The following ATP10D variants were observed in gnomAD, a reference collection of about 807,000 sequenced individuals.
ATP10D encodes the protein phospholipid-transporting ATPase VD.
Under a neutral mutation model 144.8 loss-of-function variants are expected in ATP10D, and 89 were observed. The observed-to-expected ratio is 0.61, with a 90% CI of 0.52 to 0.73. The LOEUF (loss-of-function observed/expected upper bound fraction) is 0.73, where lower values mean the gene tolerates loss of function less well. ATP10D is among the 30% of genes least tolerant of loss of function. The probability of loss-of-function intolerance (pLI) is 0.00; values close to 1 mark genes in which losing one functional copy is unlikely to be tolerated. For synonymous variants in ATP10D, 571 were observed against 615.1 expected, an observed-to-expected ratio of 0.93 and a Z score of 1.06; for missense variants, 1,603 against 1,714.8, an observed-to-expected ratio of 0.93 and a Z score of 1.15.
chr4:47,487,160 C>T (rs1323716494), intron 1 of ATP10D, among the ~76,000 whole-genome samples: 1 of 137,644 alleles, frequency 7.3e-6, no homozygotes, highest in East Asian at 2.2e-4. Flanking sequence ...GCCCGGGAGG[C>T]GGAGGTTGCT....
intron 5 of ATP10D, among the ~76,000 whole-genome samples, chr4:47,528,471 GTGTGTGTGTGTGTGTGTGTGT>G (rs1717374734): frequency 3.0e-5 from 1 of 33,780 alleles, no homozygotes; most frequent in Admixed American, 3.4e-4. Context: ...GTGTGTGTGT[GTGTGTGTGTGTGTGTGTGTGT>G]GTGTGTGTGT....
chr4:47,538,175 G>T (rs908604354), intron 9 of ATP10D, among the ~76,000 whole-genome samples: 3 of 152,090 alleles, frequency 2.0e-5, no homozygotes, highest in Non-Finnish European at 4.4e-5. Flanking sequence ...TTAGTGATGA[G>T]ATTTTTACCT....
intron 14 of ATP10D, among the ~76,000 whole-genome samples, 199 bp downstream of exon 14, chr4:47,561,274 G>C (rs1279072224): frequency 6.6e-6 from 1 of 152,104 alleles, no homozygotes; most frequent in Non-Finnish European, 1.5e-5. Flanking sequence ...ACTTGTGATG[G>C]GGTCAGGATG....
At chr4:47,535,157 C>T (rs1161568837) in intron 5 of ATP10D, among the ~76,000 whole-genome samples, 4 of 151,814 alleles carry the variant, frequency 2.6e-5, no homozygotes, top group African/African-American at 7.3e-5. Flanking sequence ...ACACCAGGGC[C>T]TAATTGAAGG....
At chr4:47,505,305 A>G (rs796185013) in intron 1 of ATP10D, among the ~76,000 whole-genome samples, 6 of 152,340 alleles carry the variant, frequency 3.9e-5, no homozygotes, top group African/African-American at 1.4e-4. Flanking sequence ...AAAGTTACTT[A>G]GCATAGAGTA....
chr4:47,564,938 A>ATGAT (rs1210148953), intron 15 of ATP10D, among the ~76,000 whole-genome samples: 1 of 152,106 alleles, frequency 6.6e-6, no homozygotes, highest in Non-Finnish European at 1.5e-5. Flanking sequence ...CAAGGCTGCC[A>ATGAT]TGATTGGTTA....
intron 2 of ATP10D, among the ~76,000 whole-genome samples, chr4:47,513,259 T>C (rs1716458784): frequency 6.6e-6 from 1 of 152,208 alleles, no homozygotes; most frequent in African/African-American, 2.4e-5. Flanking sequence ...GTCAGATGTT[T>C]AGGTGAAACA....
chr4:47,525,831 A>C (rs999805142), intron 5 of ATP10D, among the ~76,000 whole-genome samples, 189 bp downstream of exon 5: 1 of 152,272 alleles, frequency 6.6e-6, no homozygotes, highest in Non-Finnish European at 1.5e-5. Context: ...ACACATACAC[A>C]TATAATATTC....
intron 21 of ATP10D, among the ~76,000 whole-genome samples, chr4:47,582,672 T>C (rs554801186): frequency 1.9e-4 from 29 of 152,284 alleles, no homozygotes; most frequent in Non-Finnish European, 4.1e-4. Context: ...AGCGTATCTT[T>C]TAACGGAGGT....
At chr4:47,550,120 A>G (rs1035519386) in intron 10 of ATP10D, among the ~76,000 whole-genome samples, 1 of 152,078 alleles carries the variant, frequency 6.6e-6, no homozygotes, top group Non-Finnish European at 1.5e-5. Flanking sequence ...CCTTGGGTAG[A>G]GGTGGAACTA....
At chr4:47,584,764 GA>G (rs953636790) in intron 21 of ATP10D, among the ~76,000 whole-genome samples, 2 of 151,454 alleles carry the variant, frequency 1.3e-5, no homozygotes, top group African/African-American at 2.4e-5. Flanking sequence ...ATTTGAGAAA[GA>G]AAAAAAAGGA....
intron 5 of ATP10D, among the ~76,000 whole-genome samples, chr4:47,531,552 A>T (rs73237088): frequency 1.3e-5 from 2 of 152,104 alleles, no homozygotes; most frequent in Non-Finnish European, 2.9e-5. Flanking sequence ...AGAAACATTT[A>T]TCCTGAAGTT....
chr4:47,572,259 G>A (rs1719992252), intron 17 of ATP10D, 29 bp downstream of exon 17: 4 of 1,603,638 alleles, frequency 2.5e-6, no homozygotes, highest in Non-Finnish European at 3.4e-6. Context: ...CCCAAGTTCT[G>A]TGGCCTTGAC....
chr4:47,565,508 G>A (rs1719579979), intron 15 of ATP10D, among the ~76,000 whole-genome samples: 2 of 152,134 alleles, frequency 1.3e-5, no homozygotes, highest in South Asian at 4.1e-4. Flanking sequence ...GCCGCTGACT[G>A]AGTATGTGGC....
chr4:47,524,463 T>G (rs925420629), intron 4 of ATP10D, among the ~76,000 whole-genome samples: 6 of 152,288 alleles, frequency 3.9e-5, no homozygotes, highest in Admixed American at 3.9e-4. Flanking sequence ...TTGGTAAAAA[T>G]CCTGCACTAC....
chr4:47,585,739 A>T (rs150714263), intron 21 of ATP10D, among the ~76,000 whole-genome samples: 1 of 151,958 alleles, frequency 6.6e-6, no homozygotes. Flanking sequence ...AAGTGAGAAC[A>T]TGCAGTATTT....
intron 1 of ATP10D, chr4:47,490,941 T>A: frequency 2.0e-6 from 1 of 507,042 alleles, no homozygotes; most frequent in Non-Finnish European, 3.6e-6. Flanking sequence ...TTTTTTTTTT[T>A]CAGTCAGAAG....
rs577549310 is a variant in ATP10D at position 47,552,973 on chromosome 4, T to G, written c.1636-1753T>G. 4.6e-5 allele frequency among the ~76,000 whole-genome samples: 7 copies of G among 152,360 alleles called. No homozygotes were observed. The South Asian group carries it at 1.5e-3, about 32-fold the overall frequency. ...AACTTTTCTTAAACTTATTTCAGTA[T>G]AGAACTCTTTGTTAATTTTTTGCTT... On this transcript the variant is annotated intron_variant, in intron 10 of 22. Transcript: ENST00000273859.
chr4:47,554,966 G>T, intron 11 of ATP10D, 52 bp downstream of exon 11: 3 of 1,487,534 alleles, frequency 2.0e-6, no homozygotes, highest in South Asian at 1.2e-5. Flanking sequence ...AGAGAATTTT[G>T]GGTTTAAATG....
Sources: allele counts gnomAD v4.1 joint callset (sites outside exome capture counted in the v4.1 genomes callset), GRCh38; gene constraint gnomAD v4.1.1; transcripts MANE v1.5; gene names NCBI Gene and HGNC (gene_info 2026-07-23, HGNC 2026-07-21).